The following ARSB variants were observed in gnomAD, a reference collection of about 807,000 sequenced individuals.
ARSB encodes the protein N-acetylgalactosamine-4-sulfatase.
A neutral mutation model predicts 50.9 loss-of-function variants in ARSB; 41 were observed. That is an observed-to-expected ratio of 0.81 (90% confidence interval 0.63 to 1.04). The LOEUF (loss-of-function observed/expected upper bound fraction) is 1.04, where lower values mean the gene tolerates loss of function less well. Ranked by LOEUF, ARSB falls within the 50% of genes least tolerant of loss-of-function variation. ARSB has a pLI of 0.00. For synonymous variants in ARSB, 269 were observed against 284.8 expected (o/e 0.94, Z 0.56); for missense variants, 672 against 693.3 (o/e 0.97, Z 0.35).
chr5:78,872,059 G>A (rs1321205575), intron 5 of ARSB, among the ~76,000 whole-genome samples: 1 of 150,592 alleles, frequency 6.6e-6, no homozygotes, highest in Non-Finnish European at 1.5e-5. Flanking sequence ...AAAAACACAT[G>A]AAAAAATGCT....
intron 5 of ARSB, among the ~76,000 whole-genome samples, chr5:78,847,807 A>G (rs777165534): frequency 3.9e-5 from 6 of 152,094 alleles, no homozygotes; most frequent in Non-Finnish European, 5.9e-5. Flanking sequence ...GCATGTATAC[A>G]TGAATTTATC....
chr5:78,865,906 C>G (rs1746696360), intron 5 of ARSB, among the ~76,000 whole-genome samples: 2 of 152,342 alleles, frequency 1.3e-5, no homozygotes, highest in African/African-American at 4.8e-5. Flanking sequence ...AAGACCACCT[C>G]AGCCTGGATT....
At chr5:78,963,670 A>G (rs1752090350) in intron 3 of ARSB, among the ~76,000 whole-genome samples, 1 of 152,200 alleles carries the variant, frequency 6.6e-6, no homozygotes, top group South Asian at 2.1e-4. Context: ...TAATAATAAG[A>G]TTATTCATGT....
intron 5 of ARSB, among the ~76,000 whole-genome samples, chr5:78,852,729 C>G (rs1745888413): frequency 6.6e-6 from 1 of 152,208 alleles, no homozygotes; most frequent in Admixed American, 6.5e-5. Flanking sequence ...CACATAGTCC[C>G]ATATTTCTTG....
intron 4 of ARSB, 46 bp from the exon 5 acceptor site, chr5:78,885,873 A>C: frequency 6.2e-7 from 1 of 1,613,952 alleles, no homozygotes; most frequent in Non-Finnish European, 8.5e-7. Flanking sequence ...TTAACTCTTA[A>C]ATACATTTAA....
At chr5:78,838,289 T>C (rs1745036017) in intron 6 of ARSB, among the ~76,000 whole-genome samples, 1 of 151,928 alleles carries the variant, frequency 6.6e-6, no homozygotes, top group Non-Finnish European at 1.5e-5. Flanking sequence ...TATAGACAGG[T>C]AGGGAAAATG....
intron 4 of ARSB, among the ~76,000 whole-genome samples, chr5:78,889,878 T>C (rs4704533): frequency 0.3 from 46,381 of 152,092 alleles, 9,386 homozygotes; most frequent in African/African-American, 0.57. Context: ...ATGCTTCAGC[T>C]GGGGCTTACC....
intron 4 of ARSB, among the ~76,000 whole-genome samples, chr5:78,890,296 G>A (rs565254676): frequency 1.4e-5 from 2 of 145,084 alleles, no homozygotes; most frequent in Non-Finnish European, 1.5e-5. Context: ...CTCCAACCAG[G>A]ATGGAGTGCA....
chr5:78,794,362 G>A (rs1743100820), intron 6 of ARSB, among the ~76,000 whole-genome samples: 1 of 152,050 alleles, frequency 6.6e-6, no homozygotes. Flanking sequence ...TAGTCTTCAA[G>A]TGCACAAACA....
intron 5 of ARSB, among the ~76,000 whole-genome samples, chr5:78,850,323 GT>G (rs1349077720): frequency 5.9e-5 from 9 of 152,180 alleles, no homozygotes; most frequent in Non-Finnish European, 1.2e-4. Flanking sequence ...TAATCATGTG[GT>G]TTTTGTCTTT....
At chr5:78,983,643 T>A (rs1373369202) in intron 1 of ARSB, among the ~76,000 whole-genome samples, 1 of 152,202 alleles carries the variant, frequency 6.6e-6, no homozygotes, top group African/African-American at 2.4e-5. Context: ...CTAAGGTGGA[T>A]GGTGAAGGGA....
intron 3 of ARSB, among the ~76,000 whole-genome samples, chr5:78,959,938 A>G (rs1751908852): frequency 6.6e-6 from 1 of 152,136 alleles, no homozygotes; most frequent in African/African-American, 2.4e-5. Flanking sequence ...GCTGTGGTCA[A>G]TTTTCCCACT....
intron 1 of ARSB, among the ~76,000 whole-genome samples, chr5:78,969,594 G>T (rs1311941289): frequency 2.0e-5 from 3 of 152,134 alleles, no homozygotes; most frequent in African/African-American, 7.2e-5. Flanking sequence ...CGAAAACTTG[G>T]TGATTTTTTT....
At chr5:78,896,347 G>A (rs917709683) in intron 4 of ARSB, among the ~76,000 whole-genome samples, 9 of 152,104 alleles carry the variant, frequency 5.9e-5, no homozygotes, top group South Asian at 2.1e-4. Flanking sequence ...CAGCTCCAAC[G>A]CACTGGCTCC....
At chr5:78,944,191 CA>C (rs1024978708) in intron 4 of ARSB, among the ~76,000 whole-genome samples, 62 of 152,220 alleles carry the variant, frequency 4.1e-4, no homozygotes, top group African/African-American at 1.4e-3. Flanking sequence ...AATCTTTTTT[CA>C]AGGTTTTTAA....
chr5:78,868,207 C>CAG (rs1746911677), intron 5 of ARSB, among the ~76,000 whole-genome samples: 1 of 135,982 alleles, frequency 7.4e-6, no homozygotes, highest in Admixed American at 7.5e-5. Context: ...GAAAGTGATG[C>CAG]GGAGAATGGA....
chr5:78,861,173 T>C lies in ARSB; in HGVS notation c.1143-21747A>G, dbSNP rs562655965. Among the ~76,000 whole-genome samples, 22 of 152,316 alleles carry C rather than the reference T, an allele frequency of 1.4e-4. No homozygotes were observed. In the South Asian group the frequency reaches 4.4e-3, roughly 30 times the overall value. ...ACCAGACGGATTCACAGCCGAATTC[T>C]ACCAGAGGTACAAAGAGGAGCTGGT... On this transcript the variant is annotated intron_variant, in intron 5 of 7. Coordinates refer to ENST00000264914, the MANE Select transcript of ARSB (RefSeq NM_000046.5).
At chr5:78,792,765 C>T (rs1032662913) in intron 6 of ARSB, among the ~76,000 whole-genome samples, 1 of 152,098 alleles carries the variant, frequency 6.6e-6, no homozygotes, top group African/African-American at 2.4e-5. Flanking sequence ...ACCAACTGAC[C>T]AACTGAAAGA....
intron 6 of ARSB, among the ~76,000 whole-genome samples, chr5:78,802,738 T>C (rs1369043860): frequency 2.6e-5 from 4 of 152,212 alleles, no homozygotes; most frequent in Admixed American, 1.3e-4. Flanking sequence ...TAACCTGTTC[T>C]CCCCTTTGCA....
Sources: allele counts gnomAD v4.1 joint callset (sites outside exome capture counted in the v4.1 genomes callset), GRCh38; gene constraint gnomAD v4.1.1; transcripts MANE v1.5; gene names NCBI Gene and HGNC (gene_info 2026-07-23, HGNC 2026-07-21).